Variants in PTPRD observed in about 807,000 individuals in gnomAD.
The protein encoded by PTPRD is protein tyrosine phosphatase receptor type D.
In PTPRD, 34 loss-of-function variants were observed where a neutral mutation model predicts 214.5. The ratio of observed to expected loss-of-function variants is 0.16; its 90% CI spans 0.12 to 0.21. The LOEUF is 0.21. PTPRD is among the 10% of genes least tolerant of loss of function. The pLI is 1.00. For synonymous variants in PTPRD, 1,128 were observed against 845.7 expected, an observed-to-expected ratio of 1.33 and a Z score of -5.79; for missense variants, 2,545 against 2,398.7, an observed-to-expected ratio of 1.06 and a Z score of -1.27.
intron 7 of PTPRD, among the ~76,000 whole-genome samples, chr9:9,610,041 G>C (rs567485147): frequency 3.3e-4 from 50 of 152,078 alleles, no homozygotes; most frequent in Non-Finnish European, 6.2e-4. Context: ...TCTCATTTAT[G>C]TTAGTAGTCT....
At chr9:10,273,750 C>G (rs2094536844) in intron 3 of PTPRD, among the ~76,000 whole-genome samples, 1 of 152,038 alleles carries the variant, frequency 6.6e-6, no homozygotes, top group African/African-American at 2.4e-5. Context: ...TTTGTATAAT[C>G]AGTATTAAAT....
intron 33 of PTPRD, among the ~76,000 whole-genome samples, chr9:8,453,840 T>C (rs1432805469): frequency 1.3e-5 from 2 of 152,176 alleles, no homozygotes; most frequent in East Asian, 3.9e-4. Flanking sequence ...CTATGGCTGC[T>C]GGTCCAGAGG....
intron 9 of PTPRD, among the ~76,000 whole-genome samples, chr9:9,274,715 T>C (rs1043307519): frequency 1.3e-5 from 2 of 151,132 alleles, no homozygotes; most frequent in Admixed American, 6.6e-5. Context: ...AGTAGAATAA[T>C]TGGTGTCTTA....
At chr9:9,007,222 A>G (rs992416781) in intron 11 of PTPRD, among the ~76,000 whole-genome samples, 2 of 151,596 alleles carry the variant, frequency 1.3e-5, no homozygotes, top group Admixed American at 6.6e-5. Context: ...TTTTAGGAAA[A>G]TATAAAAATT....
intron 10 of PTPRD, among the ~76,000 whole-genome samples, chr9:9,136,322 G>A (rs545897908): frequency 2.6e-4 from 39 of 151,950 alleles, no homozygotes; most frequent in Non-Finnish European, 4.6e-4. Flanking sequence ...TTTATTATAA[G>A]GTGTTGGTAG....
At chr9:9,840,832 A>G (rs1295574848) in intron 5 of PTPRD, among the ~76,000 whole-genome samples, 1 of 149,830 alleles carries the variant, frequency 6.7e-6, no homozygotes, top group Non-Finnish European at 1.5e-5. Flanking sequence ...CTGGAATGCA[A>G]TCTATGTATG....
chr9:9,833,451 G>A (rs1451423557), intron 5 of PTPRD, among the ~76,000 whole-genome samples: 2 of 151,908 alleles, frequency 1.3e-5, no homozygotes, highest in East Asian at 1.9e-4. Context: ...TGGAGGCAGG[G>A]CGAGATCACA....
At chr9:9,719,753 C>A (rs2097902442) in intron 7 of PTPRD, among the ~76,000 whole-genome samples, 1 of 152,196 alleles carries the variant, frequency 6.6e-6, no homozygotes, top group Non-Finnish European at 1.5e-5. Flanking sequence ...TTCGGTAACA[C>A]CCTCTTTGGG....
intron 10 of PTPRD, among the ~76,000 whole-genome samples, chr9:9,090,473 G>C (rs1045698312): frequency 3.9e-5 from 6 of 152,114 alleles, no homozygotes; most frequent in African/African-American, 1.4e-4. Context: ...TTCTGAGATT[G>C]TACCACATGG....
intron 7 of PTPRD, among the ~76,000 whole-genome samples, chr9:9,599,955 T>C (rs1168554440): frequency 6.6e-6 from 1 of 152,058 alleles, no homozygotes; most frequent in African/African-American, 2.4e-5. Flanking sequence ...TTTAATATTG[T>C]TACCATCTCA....
chr9:8,567,569 G>C (rs536650819), intron 14 of PTPRD, among the ~76,000 whole-genome samples: 26 of 152,272 alleles, frequency 1.7e-4, no homozygotes, highest in African/African-American at 6.0e-4. Flanking sequence ...CATTTTGCTA[G>C]GCCTCAGTGC....
intron 3 of PTPRD, among the ~76,000 whole-genome samples, chr9:10,221,006 A>C (rs543420784): frequency 6.6e-6 from 1 of 152,122 alleles, no homozygotes; most frequent in East Asian, 1.9e-4. Context: ...TGTGAACAGC[A>C]GGAAGAATCC....
At chr9:9,508,740 T>C (rs950131137) in intron 8 of PTPRD, among the ~76,000 whole-genome samples, 2 of 151,598 alleles carry the variant, frequency 1.3e-5, no homozygotes, top group Non-Finnish European at 3.0e-5. Context: ...GGAAGAACAT[T>C]CATCCTTCAG....
At chr9:9,194,089 C>G (rs1425126478) in intron 9 of PTPRD, among the ~76,000 whole-genome samples, 1 of 151,892 alleles carries the variant, frequency 6.6e-6, no homozygotes, top group African/African-American at 2.4e-5. Context: ...AAAACTAAAA[C>G]ACAAACACAC....
chr9:9,798,688 A>C (rs2099019570), intron 5 of PTPRD, among the ~76,000 whole-genome samples: 1 of 152,202 alleles, frequency 6.6e-6, no homozygotes, highest in Admixed American at 6.5e-5. Flanking sequence ...GCAGTAAGAA[A>C]TGGTTTGGAA....
intron 9 of PTPRD, among the ~76,000 whole-genome samples, chr9:9,211,399 G>C (rs952020688): frequency 9.2e-5 from 14 of 152,102 alleles, no homozygotes; most frequent in African/African-American, 3.4e-4. Flanking sequence ...TGTTTGTAAA[G>C]CAATTAGAAG....
chr9:9,517,808 A>G (rs1569568958), intron 8 of PTPRD, among the ~76,000 whole-genome samples: 1 of 152,056 alleles, frequency 6.6e-6, no homozygotes, highest in Non-Finnish European at 1.5e-5. Context: ...TTTTGAAAAT[A>G]ATTCAAACCA....
At chr9:8,442,199 G>A (rs1361261799) in intron 34 of PTPRD, among the ~76,000 whole-genome samples, 2 of 152,136 alleles carry the variant, frequency 1.3e-5, no homozygotes, top group Non-Finnish European at 2.9e-5. Flanking sequence ...AATGCTATTT[G>A]GCAGAATATT....
At chr9:10,200,424 T>A (rs929584041) in intron 3 of PTPRD, among the ~76,000 whole-genome samples, 4 of 152,100 alleles carry the variant, frequency 2.6e-5, no homozygotes, top group Non-Finnish European at 4.4e-5. Context: ...AGGCCAGGAA[T>A]GCTGCTAAAC....
Sources: allele counts gnomAD v4.1 joint callset (sites outside exome capture counted in the v4.1 genomes callset), GRCh38; gene constraint gnomAD v4.1.1; transcripts MANE v1.5; gene names NCBI Gene and HGNC (gene_info 2026-07-23, HGNC 2026-07-21).